TCF4: variants seen among roughly 807,000 people sequenced by gnomAD.
TCF4 encodes the protein SL3-3 enhancer factor 2.
TCF4 carries 3 observed loss-of-function variants against 82.1 expected under a neutral mutation model. The observed-to-expected ratio is 0.04, with a 90% confidence interval of 0.02 to 0.09. TCF4 has a LOEUF of 0.09. Ranked by LOEUF, TCF4 falls within the 10% of genes least tolerant of loss-of-function variation. TCF4 has a pLI of 1.00. For missense variants in TCF4, 518 were observed against 852.7 expected (o/e 0.61, Z 4.89); for synonymous variants, 276 against 309.6 (o/e 0.89, Z 1.14).
intron 8 of TCF4, among the ~76,000 whole-genome samples, chr18:55,295,464 A>T (rs997733245): frequency 9.2e-5 from 14 of 152,128 alleles, no homozygotes; most frequent in Middle Eastern, 6.3e-3. Context: ...CTGCAGCCAA[A>T]TGTCACTTCT....
intron 6 of TCF4, among the ~76,000 whole-genome samples, chr18:55,390,798 T>C (rs2093020343): frequency 6.6e-6 from 1 of 152,198 alleles, no homozygotes; most frequent in Admixed American, 6.5e-5. Context: ...GGTGTGTGTA[T>C]TATCTGCAAA....
chr18:55,389,079 T>C (rs1386789102), intron 6 of TCF4, among the ~76,000 whole-genome samples: 1 of 150,862 alleles, frequency 6.6e-6, no homozygotes, highest in Admixed American at 6.6e-5. Context: ...TGAGCCGAGA[T>C]CACACCACTG....
chr18:55,387,271 C>T (rs2092687780), intron 6 of TCF4, among the ~76,000 whole-genome samples: 2 of 152,214 alleles, frequency 1.3e-5, no homozygotes, highest in Non-Finnish European at 2.9e-5. Context: ...TACAGCATTG[C>T]CTGCCCTAGT....
chr18:55,474,491 G>T (rs184506671), intron 3 of TCF4, among the ~76,000 whole-genome samples: 6 of 151,968 alleles, frequency 3.9e-5, no homozygotes, highest in Non-Finnish European at 8.8e-5. Context: ...CAATTTTGAG[G>T]GTGTTTCTAT....
At chr18:55,540,984 T>C (rs111510094) in intron 3 of TCF4, among the ~76,000 whole-genome samples, 2,044 of 152,108 alleles carry the variant, frequency 0.013, 23 homozygotes, top group Non-Finnish European at 0.02. Flanking sequence ...GCTAAGGTAA[T>C]TGTGTGTTTG....
intron 3 of TCF4, among the ~76,000 whole-genome samples, chr18:55,538,191 A>G (rs1232715443): frequency 6.6e-6 from 1 of 152,212 alleles, no homozygotes; most frequent in East Asian, 1.9e-4. Flanking sequence ...TTTGCTTGAC[A>G]GATGTCTATA....
chr18:55,573,282 T>C (rs542316048), intron 3 of TCF4, among the ~76,000 whole-genome samples: 35 of 148,480 alleles, frequency 2.4e-4, no homozygotes, highest in African/African-American at 8.6e-4. Flanking sequence ...TATTAGAAAG[T>C]TATAGGAAGT....
intron 15 of TCF4, among the ~76,000 whole-genome samples, chr18:55,246,776 G>T (rs1328213867): frequency 6.6e-6 from 1 of 151,906 alleles, no homozygotes; most frequent in East Asian, 1.9e-4. Context: ...TTCGGTTGAG[G>T]TTGCTAATCT....
intron 5 of TCF4, among the ~76,000 whole-genome samples, chr18:55,417,036 G>A (rs2094548348): frequency 6.6e-6 from 1 of 152,196 alleles, no homozygotes; most frequent in Non-Finnish European, 1.5e-5. Flanking sequence ...ATGTTCCATG[G>A]TAGGCCATAT....
At chr18:55,286,382 T>C (rs2063701273) in intron 8 of TCF4, among the ~76,000 whole-genome samples, 1 of 152,054 alleles carries the variant, frequency 6.6e-6, no homozygotes, top group African/African-American at 2.4e-5. Flanking sequence ...CCTCTTGGCG[T>C]CATCTTTTTA....
chr18:55,394,891 A>G (rs1054921333), intron 6 of TCF4, among the ~76,000 whole-genome samples: 1 of 152,188 alleles, frequency 6.6e-6, no homozygotes, highest in African/African-American at 2.4e-5. Flanking sequence ...CTTCAATTCT[A>G]AGCAGGTTAT....
At chr18:55,342,927 C>T (rs909861056) in intron 8 of TCF4, among the ~76,000 whole-genome samples, 1 of 151,994 alleles carries the variant, frequency 6.6e-6, no homozygotes, top group Non-Finnish European at 1.5e-5. Flanking sequence ...CTGTGCCAAT[C>T]GGTAGAATGA....
At chr18:55,242,234 C>T (rs75648717) in intron 15 of TCF4, among the ~76,000 whole-genome samples, 1 of 152,314 alleles carries the variant, frequency 6.6e-6, no homozygotes, top group East Asian at 1.9e-4. Flanking sequence ...CCTTAAAACA[C>T]ATTCAAGGTC....
intron 3 of TCF4, among the ~76,000 whole-genome samples, chr18:55,468,890 C>T (rs866205603): frequency 1.5e-5 from 2 of 131,230 alleles, no homozygotes; most frequent in Non-Finnish European, 3.4e-5. Flanking sequence ...CGCCCCCCCC[C>T]CCCTTGTTCT....
intron 2 of TCF4, among the ~76,000 whole-genome samples, chr18:55,594,102 A>T (rs1336161830): frequency 6.6e-6 from 1 of 152,192 alleles, no homozygotes; most frequent in Non-Finnish European, 1.5e-5. Context: ...CCAGAGATTT[A>T]TGACACACAC....
chr18:55,541,838 G>T (rs1167579224), intron 3 of TCF4, among the ~76,000 whole-genome samples: 1 of 151,922 alleles, frequency 6.6e-6, no homozygotes, highest in African/African-American at 2.4e-5. Context: ...AAGGAAGGGA[G>T]AATACGACGT....
At chr18:55,273,235 T>C (rs2060756273) in intron 10 of TCF4, among the ~76,000 whole-genome samples, 1 of 152,184 alleles carries the variant, frequency 6.6e-6, no homozygotes, top group Non-Finnish European at 1.5e-5. Flanking sequence ...TCTTAAGCTT[T>C]ATAATTACAC....
At chr18:55,533,455 G>A (rs1200424686) in intron 3 of TCF4, among the ~76,000 whole-genome samples, 1 of 152,170 alleles carries the variant, frequency 6.6e-6, no homozygotes, top group Non-Finnish European at 1.5e-5. Context: ...TCCTGAGAGG[G>A]TGGGTTCTCT....
intron 3 of TCF4, among the ~76,000 whole-genome samples, chr18:55,529,513 A>C (rs1414611706): frequency 1.6e-4 from 24 of 152,188 alleles, no homozygotes; most frequent in Admixed American, 1.6e-3. Flanking sequence ...ATTAGATCTC[A>C]CCAGTTACAA....
Sources: allele counts gnomAD v4.1 joint callset (sites outside exome capture counted in the v4.1 genomes callset), GRCh38; gene constraint gnomAD v4.1.1; transcripts MANE v1.5; gene names NCBI Gene and HGNC (gene_info 2026-07-23, HGNC 2026-07-21).